The following TLR6 variants were observed in gnomAD, a reference collection of about 807,000 sequenced individuals.
TLR6 encodes toll-like receptor 6.
TLR6 carries 9 observed loss-of-function variants against 16.1 expected under a neutral mutation model. The ratio of observed to expected loss-of-function variants is 0.56; its 90% confidence interval spans 0.34 to 0.98. TLR6 has a LOEUF of 0.98. TLR6 is among the 50% of genes least tolerant of loss of function. TLR6 has a pLI of 0.02. For missense variants in TLR6, 786 were observed against 921.0 expected (o/e 0.85, Z 1.90); for synonymous variants, 340 against 338.6 (o/e 1.00, Z -0.04).
At chr4:38,850,805 C>G (rs1267297511) in intron 1 of TLR6, among the ~76,000 whole-genome samples, 1 of 152,060 alleles carries the variant, frequency 6.6e-6, no homozygotes, top group East Asian at 1.9e-4. Flanking sequence ...AGAGGTACAA[C>G]TAGGAGCTGG....
chr4:38,853,227 T>G (rs2109472795), intron 1 of TLR6, among the ~76,000 whole-genome samples: 2 of 104,068 alleles, frequency 1.9e-5, no homozygotes, highest in Admixed American at 1.3e-4. Flanking sequence ...CTGGGGCCTG[T>G]CGTGGGGTGG....
upstream of TLR6, among the ~76,000 whole-genome samples, chr4:38,861,028 T>C (rs1713182570): frequency 6.6e-6 from 1 of 152,102 alleles, no homozygotes; most frequent in South Asian, 2.1e-4. Context: ...CACAGCGCCC[T>C]CTAGTGGTCT....
At chr4:38,854,239 G>C (rs1176917652) in intron 1 of TLR6, among the ~76,000 whole-genome samples, 1 of 152,150 alleles carries the variant, frequency 6.6e-6, no homozygotes, top group African/African-American at 2.4e-5. Context: ...CATGATCTTG[G>C]ATTAGATCTC....
chr4:38,844,180 T>A (rs965794899), intron 1 of TLR6, among the ~76,000 whole-genome samples: 1 of 152,208 alleles, frequency 6.6e-6, no homozygotes, highest in Non-Finnish European at 1.5e-5. Flanking sequence ...CACCGCATTC[T>A]GAGATGTGTA....
intron 1 of TLR6, among the ~76,000 whole-genome samples, chr4:38,831,380 C>A (rs545314904): frequency 6.6e-6 from 1 of 151,632 alleles, no homozygotes; most frequent in South Asian, 2.1e-4. Context: ...AACCATAGAC[C>A]TAAATGTATA....
rs767103882 is a variant in TLR6, at chr4:38,827,134, A to C, written c.2340T>G (p.Ala780=). The C allele has an allele frequency of 3.1e-6, 5 of 1,607,924 alleles. No homozygotes were observed. In the South Asian group the frequency reaches 4.5e-5, roughly 14 times the overall value. Residue 780 remains alanine (A), a synonymous_variant, in exon 2 of 2, where the codon GCT becomes GCG. Transcript: ENST00000436693. ...TGACTAGTGTTAATTTCATATTAAAAGCGGCTCTAATGTTAGCCCAAAAGA... is the reference window on the plus strand; with the variant it reads ...TGACTAGTGTTAATTTCATATTAAACGCGGCTCTAATGTTAGCCCAAAAGA...
At chr4:38,846,088 C>CAAAAAAAAAAAAAAAAAA (rs10713614) in intron 1 of TLR6, among the ~76,000 whole-genome samples, 4 of 97,052 alleles carry the variant, frequency 4.1e-5, no homozygotes, top group Middle Eastern at 6.0e-3. Flanking sequence ...CGAGACATCT[C>CAAAAAAAAAAAAAAAAAA]AAAAAAAAAA....
At chr4:38,828,768 G>C in exon 2 of TLR6, 1 of 1,613,194 alleles carries the variant, frequency 6.2e-7, no homozygotes, top group East Asian at 2.2e-5. Context: ...ATGAAAACTT[G>C]ACAGTTGTCA....
At chr4:38,851,684 T>G (rs991314793) in intron 1 of TLR6, among the ~76,000 whole-genome samples, 7 of 152,158 alleles carry the variant, frequency 4.6e-5, no homozygotes, top group Admixed American at 4.6e-4. Flanking sequence ...TTACAAGGGA[T>G]GTGAAGGACC....
intron 1 of TLR6, among the ~76,000 whole-genome samples, chr4:38,843,968 C>G (rs1712402704): frequency 6.6e-6 from 1 of 152,354 alleles, no homozygotes. Flanking sequence ...CTGATTCAAA[C>G]AGTGAGGATG....
At chr4:38,848,553 G>A (rs1487847739) in intron 1 of TLR6, among the ~76,000 whole-genome samples, 1 of 152,216 alleles carries the variant, frequency 6.6e-6, no homozygotes, top group African/African-American at 2.4e-5. Context: ...CGAATGGCTA[G>A]CTAGAATAAG....
Position 38,839,428 on chromosome 4 carries a change from T to C in TLR6, c.-64-9891A>G, listed in dbSNP as rs1712137192. Among the ~76,000 whole-genome samples the C allele has an allele frequency of 2.6e-5, 4 of 152,194 alleles. No homozygotes were observed. In the South Asian group the frequency reaches 8.3e-4, roughly 31 times the overall value. On this transcript the variant is annotated intron_variant, in intron 1 of 1. Coordinates refer to ENST00000436693, the Ensembl canonical transcript of TLR6. ...TACTCAAAAAATAGTTATTCTCTTT[T>C]AAAGAAGAAGTTCTTTTATCCTTCC...
At chr4:38,824,597 ATTG>A (rs1727460363) in exon 2 of TLR6, 1 of 151,902 alleles carries the variant, frequency 6.6e-6, no homozygotes, top group Admixed American at 6.6e-5. Context: ...TGTTGTTTTT[ATTG>A]TTTTTAGATT....
At chr4:38,838,024 C>T (rs1016036794) in intron 1 of TLR6, among the ~76,000 whole-genome samples, 1 of 152,042 alleles carries the variant, frequency 6.6e-6, no homozygotes, top group Non-Finnish European at 1.5e-5. Flanking sequence ...CAAGGAAGTG[C>T]AAATCAAAAC....
intron 1 of TLR6, among the ~76,000 whole-genome samples, chr4:38,854,826 G>A (rs1190179867): frequency 6.6e-6 from 1 of 152,188 alleles, no homozygotes; most frequent in Non-Finnish European, 1.5e-5. Flanking sequence ...AATGTCTAGT[G>A]TAGAAAATGA....
chr4:38,858,833 A>AGAGAGAGAG (rs1713116154), upstream of TLR6, among the ~76,000 whole-genome samples: 2 of 17,660 alleles, frequency 1.1e-4, no homozygotes, highest in Non-Finnish European at 1.1e-4. Flanking sequence ...GAGAGAGAGG[A>AGAGAGAGAG]AGAAAGAAAG....
chr4:38,829,241 A>G (rs1727709385), exon 2 of TLR6: 1 of 1,614,196 alleles, frequency 6.2e-7, no homozygotes, highest in South Asian at 1.1e-5. Flanking sequence ...CAAAACTGTC[A>G]ACTCTGATAG....
At chr4:38,830,367 T>C (rs1306473779) in intron 1 of TLR6, among the ~76,000 whole-genome samples, 6 of 152,178 alleles carry the variant, frequency 3.9e-5, no homozygotes, top group Non-Finnish European at 7.3e-5. Context: ...ATAAAAATTA[T>C]TTAGAAAAGT....
At chr4:38,832,136 C>T (rs779010378) in intron 1 of TLR6, among the ~76,000 whole-genome samples, 13 of 152,208 alleles carry the variant, frequency 8.5e-5, no homozygotes, top group Non-Finnish European at 1.6e-4. Flanking sequence ...CAAACTGGTA[C>T]ATTCACACAA....
Sources: gnomAD v4.1 joint callset for allele counts (sites outside exome capture counted in the v4.1 genomes callset) on GRCh38, gnomAD v4.1.1 for gene constraint, MANE v1.5 for transcripts, NCBI Gene and HGNC (gene_info 2026-07-23, HGNC 2026-07-21) for gene names.